ATP8A2: variants seen among roughly 807,000 people sequenced by gnomAD.
ATP8A2 encodes ATPase phospholipid transporting 8A2, also known as phospholipid-transporting ATPase IB.
ATP8A2 carries 100 observed loss-of-function variants against 165.6 expected under a neutral mutation model. The observed-to-expected ratio is 0.60, with a 90% CI of 0.51 to 0.71. ATP8A2 has a LOEUF of 0.71. Among genes scored for constraint, ATP8A2 ranks in the 30% least tolerant of loss-of-function variants. ATP8A2 has a pLI of 0.00. For missense variants in ATP8A2, 1,227 were observed against 1,479.5 expected (o/e 0.83, Z 2.80); for synonymous variants, 543 against 548.8 (o/e 0.99, Z 0.15).
chr13:25,794,959 C>T (rs1375208547), intron 27 of ATP8A2, among the ~76,000 whole-genome samples: 5 of 151,936 alleles, frequency 3.3e-5, no homozygotes, highest in African/African-American at 9.7e-5. Flanking sequence ...GTGTCAGCCT[C>T]TTGTTTGTAA....
rs978669873 is a variant in ATP8A2 at position 25,699,179 on chromosome 13, A to G, written c.2218A>G (p.Arg740Gly). The change falls in exon 25 of 37, where the codon AGG becomes GGG. Residue 740 changes from arginine (R) to glycine (G), a missense_variant. Transcript: ENST00000381655. ...LLKEDSLDAT[R>G]AAITQHCTDL... ...CCCTATACTCTTGTTTCAGGCCACAAGGGCAGCCATTACTCAGCACTGCAC... is the reference window on the plus strand; with the variant it reads ...CCCTATACTCTTGTTTCAGGCCACAGGGGCAGCCATTACTCAGCACTGCAC... 1.3e-6 allele frequency: 2 copies of G among 1,553,252 alleles called. No homozygotes were observed. The highest frequency in any genetic ancestry group is 1.9e-5 in the Admixed American group (1 of 51,464).
intron 33 of ATP8A2, among the ~76,000 whole-genome samples, chr13:25,874,078 G>A (rs141595846): frequency 6.6e-6 from 1 of 152,238 alleles, no homozygotes; most frequent in Non-Finnish European, 1.5e-5. Context: ...TTCCTCTACC[G>A]GAGCCAGAGT....
intron 27 of ATP8A2, 150 bp from the exon 28 acceptor site, chr13:25,827,968 T>C: frequency 1.6e-6 from 1 of 638,596 alleles, no homozygotes; most frequent in South Asian, 2.0e-5. Context: ...ATCTATGTTT[T>C]ATAAAGGAAC....
chr13:25,562,500 C>G (rs1327586801), intron 15 of ATP8A2, among the ~76,000 whole-genome samples: 1 of 152,160 alleles, frequency 6.6e-6, no homozygotes, highest in African/African-American at 2.4e-5. Context: ...AATGGTCAGC[C>G]AGGACCCACT....
intron 33 of ATP8A2, among the ~76,000 whole-genome samples, chr13:25,937,611 A>C (rs1417460331): frequency 6.6e-6 from 1 of 151,098 alleles, no homozygotes; most frequent in Non-Finnish European, 1.5e-5. Flanking sequence ...GCACTTTGGG[A>C]GGCTGAGGCT....
chr13:25,631,209 CA>C (rs2041232339), intron 24 of ATP8A2, among the ~76,000 whole-genome samples: 1 of 151,660 alleles, frequency 6.6e-6, no homozygotes, highest in Non-Finnish European at 1.5e-5. Flanking sequence ...CACTGTCCAA[CA>C]GGACTTTCTG....
chr13:25,937,362 C>CTTTTTT (rs1555293658), intron 33 of ATP8A2, among the ~76,000 whole-genome samples: 2 of 38,798 alleles, frequency 5.2e-5, no homozygotes, highest in African/African-American at 1.4e-4. Flanking sequence ...TTCTTTCTTT[C>CTTTTTT]TTTTTTTTTT....
chr13:25,608,140 A>G (rs1013771518), intron 24 of ATP8A2, among the ~76,000 whole-genome samples: 2 of 152,200 alleles, frequency 1.3e-5, no homozygotes, highest in African/African-American at 4.8e-5. Context: ...GGACTATACA[A>G]GAAGCATGGC....
At chr13:25,679,942 T>G (rs2042449875) in intron 24 of ATP8A2, among the ~76,000 whole-genome samples, 1 of 151,992 alleles carries the variant, frequency 6.6e-6, no homozygotes, top group East Asian at 1.9e-4. Flanking sequence ...GTTGGAGAGG[T>G]GGGTTAAGCT....
chr13:25,481,093 C>T (rs187355853), intron 2 of ATP8A2, among the ~76,000 whole-genome samples: 1 of 150,188 alleles, frequency 6.7e-6, no homozygotes, highest in South Asian at 2.1e-4. Context: ...TTCAGTGAGC[C>T]GAGATGGCAG....
At chr13:25,531,168 T>A (rs894215459) in intron 4 of ATP8A2, among the ~76,000 whole-genome samples, 14 of 102,400 alleles carry the variant, frequency 1.4e-4, no homozygotes, top group Admixed American at 2.9e-4. Context: ...GATATATATG[T>A]TATATGATAT....
intron 25 of ATP8A2, among the ~76,000 whole-genome samples, chr13:25,740,542 G>T (rs114067930): frequency 1.4e-3 from 219 of 152,264 alleles, no homozygotes; most frequent in African/African-American, 5.2e-3. Flanking sequence ...GGACTGAAAT[G>T]AAATTTAGGA....
chr13:25,695,380 G>A (rs1353099900), intron 24 of ATP8A2, among the ~76,000 whole-genome samples: 1 of 152,166 alleles, frequency 6.6e-6, no homozygotes, highest in African/African-American at 2.4e-5. Context: ...GCTGAAGGTT[G>A]GGGTGGTTTT....
At chr13:25,392,582 A>G (rs1041506586) in intron 1 of ATP8A2, among the ~76,000 whole-genome samples, 2 of 152,230 alleles carry the variant, frequency 1.3e-5, no homozygotes, top group Non-Finnish European at 2.9e-5. Context: ...AGAAAAGAAA[A>G]CAAACTGTAA....
chr13:25,929,924 C>A lies in ATP8A2; in HGVS notation c.3184-31651C>A, dbSNP rs576840645. Among the ~76,000 whole-genome samples, 9 of 152,256 alleles carry A rather than the reference C, an allele frequency of 5.9e-5. No individual in the cohort carries two copies. The South Asian group carries it at 1.9e-3, about 32-fold the overall frequency. ...GCTTTTCCCTAATGTCACTGAACTT[C>A]CCGAACGTGAACTCCCAAAATGCTT... On this transcript the variant is annotated intron_variant, in intron 33 of 36. Coordinates refer to ENST00000381655, the MANE Select transcript of ATP8A2 (RefSeq NM_016529.6).
At chr13:25,460,273 C>T (rs752562235) in intron 1 of ATP8A2, among the ~76,000 whole-genome samples, 17 of 152,138 alleles carry the variant, frequency 1.1e-4, no homozygotes, top group East Asian at 1.9e-4. Context: ...CAAAGGAAAC[C>T]GCCCCTCTCC....
intron 30 of ATP8A2, among the ~76,000 whole-genome samples, chr13:25,839,882 A>T (rs951129515): frequency 6.6e-6 from 1 of 152,200 alleles, no homozygotes; most frequent in African/African-American, 2.4e-5. Flanking sequence ...ACTCAGTTTT[A>T]AAAACTATTT....
At chr13:25,848,252 C>T (rs1951919539) in intron 30 of ATP8A2, among the ~76,000 whole-genome samples, 1 of 152,266 alleles carries the variant, frequency 6.6e-6, no homozygotes, top group African/African-American at 2.4e-5. Flanking sequence ...TTCATTTCAA[C>T]ACAGTGAGGC....
Position 25,977,379 on chromosome 13 carries a change from C to G in ATP8A2, c.3377+8700C>G, listed in dbSNP as rs540646604. On this transcript the variant is annotated intron_variant, in intron 35 of 36. Coordinates refer to ENST00000381655, the MANE Select transcript of ATP8A2 (RefSeq NM_016529.6). The stretch of plus-strand genomic sequence containing the variant: ...CTCTCGCCTTGCTGACAAATACTCG[C>G]GACAGGTGAGGAAATGCATTAGTGG... Among the ~76,000 whole-genome samples, 3 of 152,216 alleles carry G rather than the reference C, an allele frequency of 2.0e-5. No individual in the cohort carries two copies. In the East Asian group the frequency reaches 5.8e-4, roughly 30 times the overall value.
Sources: allele counts gnomAD v4.1 joint callset (sites outside exome capture counted in the v4.1 genomes callset), GRCh38; gene constraint gnomAD v4.1.1; transcripts MANE v1.5; gene names NCBI Gene and HGNC (gene_info 2026-07-23, HGNC 2026-07-21).